CDH4: variants seen among roughly 807,000 people sequenced by gnomAD.
CDH4 encodes cadherin 4, also known as cadherin-4.
In CDH4, 33 loss-of-function variants were observed where a neutral mutation model predicts 86.0. The observed-to-expected ratio is 0.38, with a 90% CI of 0.29 to 0.51. The LOEUF is 0.51. Among genes scored for constraint, CDH4 ranks in the 20% least tolerant of loss-of-function variants. CDH4 has a pLI of 0.86. For synonymous variants in CDH4, 555 were observed against 549.4 expected (o/e 1.01, Z -0.14); for missense variants, 1,114 against 1,307.4 (o/e 0.85, Z 2.28).
intron 2 of CDH4, among the ~76,000 whole-genome samples, chr20:61,461,208 C>T (rs2085440132): frequency 6.6e-6 from 1 of 151,736 alleles, no homozygotes; most frequent in South Asian, 2.1e-4. Flanking sequence ...AAAAAAAATG[C>T]AAAATCCCTA....
intron 2 of CDH4, among the ~76,000 whole-genome samples, chr20:61,578,455 A>G (rs1386651101): frequency 6.6e-6 from 1 of 152,222 alleles, no homozygotes; most frequent in African/African-American, 2.4e-5. Flanking sequence ...CTCACGTCCC[A>G]CTGGTTGAAC....
chr20:61,563,403 A>G (rs2145690394), intron 2 of CDH4, among the ~76,000 whole-genome samples: 1 of 152,326 alleles, frequency 6.6e-6, no homozygotes, highest in African/African-American at 2.4e-5. Flanking sequence ...ATCCAGCCCC[A>G]ATGTCTCCCT....
In CDH4 at chr20:61,681,921, G is replaced by A. The variant is rs2087519524; in HGVS notation, c.170-61642G>A. On this transcript the variant is annotated intron_variant, in intron 2 of 15. Transcript: ENST00000614565. This position sits in a 1 kb window ranked among gnomAD's most constrained non-coding sequence, Gnocchi z 4.5. Reference sequence around the variant, plus strand: ...ATGCCAAGGCCAGGGCTGTGAACTTGCAGGAGCTGCCTGTGACCCCAGGGC... The same window carrying A: ...ATGCCAAGGCCAGGGCTGTGAACTTACAGGAGCTGCCTGTGACCCCAGGGC... Among the ~76,000 whole-genome samples the A allele has an allele frequency of 6.6e-6, 1 of 152,242 alleles. No homozygotes were observed. Among genetic ancestry groups the A allele is most frequent in the African/African-American group, 2.4e-5 (1 of 41,466 alleles).
At chr20:61,530,150 A>C (rs2085941583) in intron 2 of CDH4, among the ~76,000 whole-genome samples, 1 of 152,132 alleles carries the variant, frequency 6.6e-6, no homozygotes, top group Admixed American at 6.5e-5. Flanking sequence ...CTCCTGCCTC[A>C]GCCTCCTGAG....
At chr20:61,602,289 G>A (rs542915565) in intron 2 of CDH4, among the ~76,000 whole-genome samples, 4 of 152,288 alleles carry the variant, frequency 2.6e-5, no homozygotes, top group South Asian at 4.1e-4. Context: ...ACATCACGCA[G>A]GCAGACACCC....
chr20:61,272,185 C>G (rs1218464710), intron 2 of CDH4, among the ~76,000 whole-genome samples: 1 of 152,150 alleles, frequency 6.6e-6, no homozygotes, highest in Non-Finnish European at 1.5e-5. Context: ...GAGACATGCC[C>G]CATTGTTGGA....
chr20:61,390,271 T>C, intron 2 of CDH4, among the ~76,000 whole-genome samples: 1 of 147,774 alleles, frequency 6.8e-6, no homozygotes. Flanking sequence ...GGTCATAGGG[T>C]GCCCATAGTG....
chr20:61,557,635 A>G lies in CDH4; in HGVS notation c.170-185928A>G, dbSNP rs535974303. Among the ~76,000 whole-genome samples the G allele has an allele frequency of 1.2e-4, 18 of 152,294 alleles. No homozygotes were observed. In the South Asian group the frequency reaches 1.7e-3, roughly 14 times the overall value. The stretch of plus-strand genomic sequence containing the variant: ...ATGAGTGAAAATGCCGCTCTTTTAC[A>G]TTCTTGCTCCAAATCGCATCTTTGT... On this transcript the variant is annotated intron_variant, in intron 2 of 15. Transcript: ENST00000614565.
chr20:61,634,035 AGTCAGT>A, intron 2 of CDH4, among the ~76,000 whole-genome samples: 1 of 152,346 alleles, frequency 6.6e-6, no homozygotes, highest in African/African-American at 2.4e-5. Flanking sequence ...ACCTACGGCA[AGTCAGT>A]GTTTCAGACC....
chr20:61,839,697 GTGTT>G (rs199862805), intron 4 of CDH4, among the ~76,000 whole-genome samples: 2,860 of 151,692 alleles, frequency 0.019, 70 homozygotes, highest in African/African-American at 0.061. Context: ...GTGTATTTGT[GTGTT>G]TGTTTATGCG....
At chr20:61,627,236 G>C (rs1379048190) in intron 2 of CDH4, among the ~76,000 whole-genome samples, 1 of 152,182 alleles carries the variant, frequency 6.6e-6, no homozygotes, top group African/African-American at 2.4e-5. Context: ...AGCAAACCAG[G>C]GAACCGTCTG....
intron 2 of CDH4, among the ~76,000 whole-genome samples, chr20:61,315,606 AC>A (rs1196373142): frequency 6.6e-6 from 1 of 152,208 alleles, no homozygotes; most frequent in East Asian, 1.9e-4. Context: ...AGTGTGCTGG[AC>A]CTGTTCGTCA....
At chr20:61,936,429 C>A (rs1397358294) in intron 15 of CDH4, among the ~76,000 whole-genome samples, 19 of 59,072 alleles carry the variant, frequency 3.2e-4, no homozygotes, top group African/African-American at 1.3e-3. Context: ...CCCCCCCCCC[C>A]ATCTGCCCTT....
chr20:61,535,151 G>A (rs59815550), intron 2 of CDH4, among the ~76,000 whole-genome samples: 23,437 of 152,252 alleles, frequency 0.15, 2,128 homozygotes, highest in East Asian at 0.45. Context: ...ACTGAAACCT[G>A]TGACTGGGCT....
Position 61,810,379 on chromosome 20 carries a change from C to A in CDH4, c.577-34289C>A, listed in dbSNP as rs1194623984. 1.3e-5 allele frequency among the ~76,000 whole-genome samples: 2 copies of A among 152,232 alleles called. No individual in the cohort carries two copies. On this transcript the variant is annotated intron_variant, in intron 4 of 15. Transcript: ENST00000614565. This position sits in a 1 kb window ranked among gnomAD's most constrained non-coding sequence, Gnocchi z 4.3. ...AGAGTTCCTTGTGCCATTACCAGGA[C>A]TCTTCCCAGCAAAAACTGCCCTCGG...
chr20:61,830,721 C>A (rs1981562617), intron 4 of CDH4, among the ~76,000 whole-genome samples: 1 of 152,262 alleles, frequency 6.6e-6, no homozygotes, highest in African/African-American at 2.4e-5. Context: ...CGCAGGCAGG[C>A]CCTGCAGAGC....
chr20:61,414,543 A>G (rs554592229), intron 2 of CDH4, among the ~76,000 whole-genome samples: 2 of 152,332 alleles, frequency 1.3e-5, no homozygotes, highest in East Asian at 3.9e-4. Context: ...GACTCCTGGC[A>G]TTATCACATG....
At chr20:61,605,463 GTC>G (rs950734821) in intron 2 of CDH4, among the ~76,000 whole-genome samples, 1 of 150,740 alleles carries the variant, frequency 6.6e-6, no homozygotes, top group Non-Finnish European at 1.5e-5. Context: ...CTCTGTCTCT[GTC>G]TCTCTATTTG....
chr20:61,632,837 T>TA (rs1218256890), intron 2 of CDH4, among the ~76,000 whole-genome samples: 6 of 89,014 alleles, frequency 6.7e-5, no homozygotes, highest in Admixed American at 2.4e-4. Context: ...TCTCCTCCTC[T>TA]CCCCACCCTC....
Sources: allele counts gnomAD v4.1 joint callset (sites outside exome capture counted in the v4.1 genomes callset), GRCh38; gene constraint gnomAD v4.1.1; non-coding constraint Gnocchi (gnomAD v3.1); transcripts MANE v1.5; gene names NCBI Gene and HGNC (gene_info 2026-07-23, HGNC 2026-07-21).